The following CLIP1 variants were observed in gnomAD, a reference collection of about 807,000 sequenced individuals.
The protein encoded by CLIP1 is CAP-Gly domain-containing linker protein 1.
In CLIP1, 66 loss-of-function variants were observed where a neutral mutation model predicts 161.6. That is an observed-to-expected ratio of 0.41 (90% CI 0.33 to 0.50). CLIP1 has a LOEUF of 0.50. Ranked by LOEUF, CLIP1 falls within the 20% of genes least tolerant of loss-of-function variation. CLIP1 has a pLI of 0.27. For synonymous variants in CLIP1, 598 were observed against 626.2 expected, an observed-to-expected ratio of 0.96 and a Z score of 0.67; for missense variants, 1,376 against 1,702.0, an observed-to-expected ratio of 0.81 and a Z score of 3.37.
chr12:122,328,803 G>A (rs185169822), intron 15 of CLIP1, among the ~76,000 whole-genome samples: 7 of 152,092 alleles, frequency 4.6e-5, no homozygotes, highest in Non-Finnish European at 8.8e-5. Context: ...GGATGGTCTC[G>A]ATCTCCTGGC....
At chr12:122,293,002 C>CAAAAAAAAAAAAAAAAAA (rs57326141) in intron 20 of CLIP1, among the ~76,000 whole-genome samples, 26 of 43,568 alleles carry the variant, frequency 6.0e-4, no homozygotes, top group African/African-American at 2.9e-3. Context: ...GACTCTGTCT[C>CAAAAAAAAAAAAAAAAAA]AAAAAAAAAA....
intron 10 of CLIP1, 140 bp downstream of exon 10, chr12:122,347,235 C>T: frequency 1.8e-6 from 1 of 564,438 alleles, no homozygotes; most frequent in Non-Finnish European, 3.3e-6. Flanking sequence ...AGTCTCAGCT[C>T]ACAAACACCT....
intron 1 of CLIP1, among the ~76,000 whole-genome samples, chr12:122,401,997 C>CA (rs34319226): frequency 1.5e-3 from 175 of 116,022 alleles, no homozygotes; most frequent in Middle Eastern, 0.014. Context: ...AACTCCCGCT[C>CA]AAAAAAAAAA....
intron 5 of CLIP1, among the ~76,000 whole-genome samples, chr12:122,358,121 G>A (rs530158745): frequency 6.6e-6 from 1 of 152,224 alleles, no homozygotes; most frequent in African/African-American, 2.4e-5. Context: ...TTGGGATCCT[G>A]TTGATCTGTG....
Position 122,288,668 on chromosome 12 carries a change from A to G in CLIP1, c.3595-127T>C. On this transcript the variant is annotated intron_variant, in intron 20 of 25. Coordinates refer to ENST00000620786, the MANE Select transcript of CLIP1 (RefSeq NM_001247997.2). Reference sequence around the variant, plus strand: ...CATTGGCTTTCCTCAACAGCAATGAAGAGGGACAAGTGGTCACTCTATCAC... The same window carrying G: ...CATTGGCTTTCCTCAACAGCAATGAGGAGGGACAAGTGGTCACTCTATCAC... 5 of 701,178 alleles carry G rather than the reference A, an allele frequency of 7.1e-6. No homozygotes were observed. The South Asian group carries it at 9.0e-5, about 13-fold the overall frequency. 43.4% of individuals were successfully genotyped at this position (701,178 alleles called of 1,614,324 possible).
At chr12:122,292,941 T>C (rs1470183721) in intron 20 of CLIP1, among the ~76,000 whole-genome samples, 1 of 142,510 alleles carries the variant, frequency 7.0e-6, no homozygotes, top group Non-Finnish European at 1.5e-5. Context: ...AGGCGGAGCT[T>C]GCAGTGGGCC....
At chr12:122,360,410 C>CAAA (rs34294939) in intron 5 of CLIP1, among the ~76,000 whole-genome samples, 15 of 87,308 alleles carry the variant, frequency 1.7e-4, no homozygotes, top group East Asian at 3.2e-4. Context: ...CCTCTCTCTA[C>CAAA]AAAAAAAAAA....
intron 24 of CLIP1, chr12:122,275,195 T>C (rs1474932669): frequency 6.6e-6 from 1 of 152,142 alleles, no homozygotes. Flanking sequence ...TGGAGTGCTA[T>C]TGATTCATGA....
At chr12:122,385,557 C>T (rs1955219144) in intron 1 of CLIP1, among the ~76,000 whole-genome samples, 1 of 152,038 alleles carries the variant, frequency 6.6e-6, no homozygotes, top group Non-Finnish European at 1.5e-5. Flanking sequence ...CCTTTGACCA[C>T]AGGATGGAAC....
At chr12:122,347,517 G>T in intron 9 of CLIP1, 38 bp from the exon 10 acceptor site, 2 of 1,497,220 alleles carry the variant, frequency 1.3e-6, no homozygotes, top group Non-Finnish European at 1.9e-6. Context: ...ACACAACAGT[G>T]CCACCATGAC....
rs1566198620 is a variant in CLIP1, at chr12:122,379,943, T to TAAA, written c.85+424_85+425insTTT. On this transcript the variant is annotated intron_variant, in intron 2 of 25. Transcript: ENST00000620786. ...TGGGGAATAGAGCAAGACTCCATCT[T>TAAA]TAAAAAAAAAAAAAAAAAATGCAAG... Among the ~76,000 whole-genome samples the TAAA allele has an allele frequency of 1.3e-4, 9 of 70,416 alleles. 1 individual carries two copies. Among genetic ancestry groups the TAAA allele is most frequent in the East Asian group, 1.1e-3 (2 of 1,848 alleles). 46.2% of individuals were successfully genotyped at this position (70,416 alleles called of 152,430 possible). A position where few individuals can be genotyped will look rare whatever the true frequency, so the allele number is the denominator to read the frequency against.
intron 3 of CLIP1, among the ~76,000 whole-genome samples, chr12:122,367,704 G>C (rs969163131): frequency 3.9e-5 from 6 of 152,078 alleles, no homozygotes; most frequent in African/African-American, 1.4e-4. Context: ...AGTTATTAAA[G>C]AAAAACATTT....
chr12:122,391,508 C>T (rs1438810628), intron 1 of CLIP1, among the ~76,000 whole-genome samples: 1 of 152,092 alleles, frequency 6.6e-6, no homozygotes, highest in Admixed American at 6.5e-5. Context: ...ATCGCTTGAA[C>T]CCAGGAGGCG....
chr12:122,373,924 A>C (rs969418807), intron 3 of CLIP1, among the ~76,000 whole-genome samples: 3 of 152,240 alleles, frequency 2.0e-5, no homozygotes, highest in African/African-American at 7.2e-5. Context: ...AAATGAAGAC[A>C]GACACAAAAA....
chr12:122,337,379 G>T (rs1045407105), intron 11 of CLIP1, among the ~76,000 whole-genome samples: 3 of 151,360 alleles, frequency 2.0e-5, no homozygotes, highest in Admixed American at 2.0e-4. Context: ...CCTGGGAGGC[G>T]GAGGTTGGGT....
intron 1 of CLIP1, among the ~76,000 whole-genome samples, chr12:122,402,810 A>G (rs1055507311): frequency 1.3e-5 from 2 of 152,182 alleles, no homozygotes; most frequent in African/African-American, 4.8e-5. Flanking sequence ...CAAAAAACAA[A>G]TATCACCTCG....
At chr12:122,278,709 G>A in intron 23 of CLIP1, 83 bp downstream of exon 23, 1 of 1,405,270 alleles carries the variant, frequency 7.1e-7, no homozygotes, top group Non-Finnish European at 9.6e-7. Context: ...CATGAGAGCT[G>A]TCTTCGAAGA....
intron 3 of CLIP1, among the ~76,000 whole-genome samples, chr12:122,366,963 G>T (rs1046787280): frequency 6.6e-6 from 1 of 152,128 alleles, no homozygotes; most frequent in Non-Finnish European, 1.5e-5. Context: ...AGAAAATAAA[G>T]TCGGCCTCAA....
chr12:122,328,464 TA>T, intron 15 of CLIP1, 38 bp from the exon 16 acceptor site: 1 of 1,312,502 alleles, frequency 7.6e-7, no homozygotes, highest in South Asian at 1.7e-5. Context: ...AGATTTTTCA[TA>T]AGAATGTTTT....
Sources: allele counts gnomAD v4.1 joint callset (sites outside exome capture counted in the v4.1 genomes callset), GRCh38; gene constraint gnomAD v4.1.1; transcripts MANE v1.5; gene names NCBI Gene and HGNC (gene_info 2026-07-23, HGNC 2026-07-21).